KSR1: variants seen among roughly 807,000 people sequenced by gnomAD.
KSR1 encodes the protein kinase suppressor of ras.
In KSR1, 35 loss-of-function variants were observed where a neutral mutation model predicts 92.9. The ratio of observed to expected loss-of-function variants is 0.38; its 90% CI spans 0.29 to 0.50. The LOEUF is 0.50. Ranked by LOEUF, KSR1 falls within the 20% of genes least tolerant of loss-of-function variation. The pLI, the probability that KSR1 is intolerant of heterozygous loss-of-function variation, is 0.94. For synonymous variants in KSR1, 467 were observed against 472.6 expected, an observed-to-expected ratio of 0.99 and a Z score of 0.15; for missense variants, 972 against 1,158.5, an observed-to-expected ratio of 0.84 and a Z score of 2.34.
chr17:27,476,206 G>A (rs112425246), intron 1 of KSR1, among the ~76,000 whole-genome samples: 97 of 152,300 alleles, frequency 6.4e-4, no homozygotes, highest in African/African-American at 2.0e-3. Flanking sequence ...CCTTCTCAGC[G>A]CTCAAGGATT....
chr17:27,589,121 G>A lies in KSR1; in HGVS notation c.1046+586G>A, dbSNP rs1296190997. 2.6e-5 allele frequency among the ~76,000 whole-genome samples: 4 copies of A among 152,170 alleles called. No homozygotes were observed. The South Asian group carries it at 6.2e-4, about 24-fold the overall frequency. ...ATGCAGTTTGGCGTCCCCTGCCACC[G>A]GAAGCTCCCATCTTTGTTGGGTGGA... On this transcript the variant is annotated intron_variant, in intron 6 of 20. Transcript: ENST00000644974.
At chr17:27,598,456 G>A (rs1006305032) in intron 10 of KSR1, among the ~76,000 whole-genome samples, 6 of 152,162 alleles carry the variant, frequency 3.9e-5, no homozygotes, top group African/African-American at 9.7e-5. Flanking sequence ...TTTTGGGGAC[G>A]GTGGAGACGG....
At chr17:27,536,380 A>G (rs2070751562) in intron 1 of KSR1, among the ~76,000 whole-genome samples, 2 of 152,196 alleles carry the variant, frequency 1.3e-5, no homozygotes, top group Non-Finnish European at 2.9e-5. Flanking sequence ...AAACACTAAT[A>G]AAACAGCTCT....
intron 1 of KSR1, among the ~76,000 whole-genome samples, chr17:27,545,517 C>T (rs1363585838): frequency 6.6e-6 from 1 of 152,190 alleles, no homozygotes; most frequent in Non-Finnish European, 1.5e-5. Context: ...AAGACCCCAT[C>T]TCTATTATGA....
intron 5 of KSR1, chr17:27,585,951 C>CGGCGA: frequency 1.2e-5 from 5 of 427,534 alleles, no homozygotes; most frequent in Non-Finnish European, 1.7e-5. Context: ...CTTGCCCTTC[C>CGGCGA]CCACCGAGAC....
chr17:27,474,440 C>G (rs1457590075), intron 1 of KSR1, among the ~76,000 whole-genome samples: 2 of 152,178 alleles, frequency 1.3e-5, no homozygotes, highest in Admixed American at 1.3e-4. Context: ...TGTAAGAGCA[C>G]AGGTTCTGGT....
chr17:27,548,509 T>G (rs1188926240), intron 1 of KSR1, among the ~76,000 whole-genome samples: 1 of 152,134 alleles, frequency 6.6e-6, no homozygotes, highest in Non-Finnish European at 1.5e-5. Flanking sequence ...CCTAAGTGTT[T>G]TGTTTTATAC....
intron 17 of KSR1, among the ~76,000 whole-genome samples, chr17:27,611,028 G>T (rs374812011): frequency 4.0e-4 from 61 of 152,248 alleles, no homozygotes; most frequent in African/African-American, 1.5e-3. Flanking sequence ...GCTGTATCTG[G>T]GTATCCTTCC....
chr17:27,488,093 T>C (rs2068720622), intron 1 of KSR1, among the ~76,000 whole-genome samples: 1 of 152,230 alleles, frequency 6.6e-6, no homozygotes, highest in Admixed American at 6.5e-5. Context: ...ATAACAGCTT[T>C]TAGAGATTTT....
At chr17:27,545,750 G>A (rs766608508) in intron 1 of KSR1, among the ~76,000 whole-genome samples, 6 of 152,218 alleles carry the variant, frequency 3.9e-5, no homozygotes, top group Non-Finnish European at 7.3e-5. Flanking sequence ...ATCCTTGTAG[G>A]CGGAGAGTCA....
chr17:27,516,518 C>CCCT (rs1411908380), intron 1 of KSR1, among the ~76,000 whole-genome samples: 3 of 151,794 alleles, frequency 2.0e-5, no homozygotes, highest in African/African-American at 4.8e-5. Flanking sequence ...GTCTCCCTCC[C>CCCT]CCTCCTCCTC....
intron 1 of KSR1, among the ~76,000 whole-genome samples, chr17:27,518,763 C>T (rs190403114): frequency 3.0e-4 from 45 of 152,218 alleles, no homozygotes; most frequent in African/African-American, 1.1e-3. Flanking sequence ...ACTCCCTAGA[C>T]CCTCCTCCCT....
chr17:27,583,435 A>G (rs1339759818), intron 4 of KSR1, among the ~76,000 whole-genome samples: 6 of 152,248 alleles, frequency 3.9e-5, no homozygotes, highest in African/African-American at 7.2e-5. Flanking sequence ...CGCCTTGTCC[A>G]TCTTGTCCAT....
At chr17:27,622,046 C>T in intron 20 of KSR1, 2 of 954,548 alleles carry the variant, frequency 2.1e-6, no homozygotes, top group South Asian at 2.7e-5. Flanking sequence ...CAGGGGATGC[C>T]ACCTCTGCTG....
At chr17:27,457,758 C>T (rs1366643106) in intron 1 of KSR1, among the ~76,000 whole-genome samples, 1 of 152,168 alleles carries the variant, frequency 6.6e-6, no homozygotes, top group Admixed American at 6.5e-5. Context: ...TGATTTTGGC[C>T]AGGGACGGGG....
intron 1 of KSR1, among the ~76,000 whole-genome samples, chr17:27,522,357 G>A (rs1372782369): frequency 6.6e-6 from 1 of 152,138 alleles, no homozygotes; most frequent in Admixed American, 6.5e-5. Context: ...TTTGGCCCCC[G>A]CTCCCCGTGG....
chr17:27,478,241 C>G (rs113645137), intron 1 of KSR1, among the ~76,000 whole-genome samples: 5,690 of 152,222 alleles, frequency 0.037, 338 homozygotes, highest in African/African-American at 0.13. Flanking sequence ...ATAACACAAA[C>G]CGGTATAAAA....
chr17:27,457,344 C>G (rs1215616872), intron 1 of KSR1, among the ~76,000 whole-genome samples: 1 of 152,254 alleles, frequency 6.6e-6, no homozygotes, highest in Non-Finnish European at 1.5e-5. Context: ...CCTGTCCCTT[C>G]CTTTCCTCTC....
At chr17:27,597,482 A>G in intron 10 of KSR1, 46 bp downstream of exon 10, 1 of 1,547,248 alleles carries the variant, frequency 6.5e-7, no homozygotes, top group Non-Finnish European at 8.8e-7. Context: ...ATACAGTCAG[A>G]TCCCCTTCTC....
Sources: allele counts gnomAD v4.1 joint callset (sites outside exome capture counted in the v4.1 genomes callset), GRCh38; gene constraint gnomAD v4.1.1; transcripts MANE v1.5; gene names NCBI Gene and HGNC (gene_info 2026-07-23, HGNC 2026-07-21).